Variants in EYS observed in about 807,000 individuals in gnomAD.
EYS encodes the protein protein eyes shut homolog.
A neutral mutation model predicts 282.1 loss-of-function variants in EYS; 250 were observed. The ratio of observed to expected loss-of-function variants is 0.89; its 90% CI spans 0.80 to 0.98. EYS has a LOEUF of 0.98. Ranked by LOEUF, EYS falls within the 50% of genes least tolerant of loss-of-function variation. EYS has a pLI of 0.00. For synonymous variants in EYS, 1,355 were observed against 1,282.9 expected (o/e 1.06, Z -1.20); for missense variants, 4,016 against 3,709.0 (o/e 1.08, Z -2.15).
chr6:65,397,528 C>T (rs538192909), intron 7 of EYS, among the ~76,000 whole-genome samples: 2 of 150,882 alleles, frequency 1.3e-5, no homozygotes, highest in East Asian at 1.9e-4. Flanking sequence ...CAGTTCCATC[C>T]GTGCTACTGC....
chr6:64,981,969 C>T (rs1052190255), intron 14 of EYS, among the ~76,000 whole-genome samples: 14 of 151,374 alleles, frequency 9.2e-5, no homozygotes, highest in African/African-American at 3.4e-4. Context: ...AGGAAGGGTC[C>T]CCTTTTTAAA....
At chr6:64,159,677 C>T (rs919626082) in intron 31 of EYS, among the ~76,000 whole-genome samples, 4 of 151,100 alleles carry the variant, frequency 2.6e-5, no homozygotes, top group Non-Finnish European at 4.4e-5. Flanking sequence ...GATATGGAAG[C>T]TGATTGCATT....
intron 40 of EYS, among the ~76,000 whole-genome samples, chr6:63,771,382 A>G (rs1172039558): frequency 6.6e-6 from 1 of 152,168 alleles, no homozygotes. Context: ...GTTGGAAGTT[A>G]TTTAGGTGGC....
chr6:63,794,005 C>G (rs1169730382), intron 37 of EYS, among the ~76,000 whole-genome samples: 2 of 152,136 alleles, frequency 1.3e-5, no homozygotes, highest in African/African-American at 4.8e-5. Context: ...GGTTCCAGAG[C>G]CTGTGCTCTT....
intron 31 of EYS, among the ~76,000 whole-genome samples, chr6:64,224,638 C>T (rs977583976): frequency 6.6e-6 from 1 of 151,886 alleles, no homozygotes; most frequent in African/African-American, 2.4e-5. Flanking sequence ...ATATTTTTCT[C>T]GATGACCTAA....
chr6:65,164,211 T>C (rs1764915868), intron 12 of EYS, among the ~76,000 whole-genome samples: 1 of 151,342 alleles, frequency 6.6e-6, no homozygotes, highest in Non-Finnish European at 1.5e-5. Context: ...GTTAACTTTG[T>C]TTTATGGCTT....
chr6:64,718,169 C>T (rs10944706), intron 22 of EYS, among the ~76,000 whole-genome samples: 143,465 of 152,212 alleles, frequency 0.94, 68,040 homozygotes, highest in East Asian at 1. Context: ...AATTCATCCC[C>T]GAGGAACACT....
chr6:64,912,793 TA>T, intron 15 of EYS, 50 bp from the exon 16 acceptor site: 1 of 1,199,664 alleles, frequency 8.3e-7, no homozygotes, highest in Non-Finnish European at 1.1e-6. Flanking sequence ...TTTTCAAGTT[TA>T]TTTTTTGTAT....
chr6:64,801,675 GC>G (rs1194885811), intron 22 of EYS, among the ~76,000 whole-genome samples: 1 of 151,832 alleles, frequency 6.6e-6, no homozygotes, highest in Admixed American at 6.6e-5. Flanking sequence ...AAATGAAAAG[GC>G]TAATAGATGT....
chr6:63,914,127 A>T (rs1389122200), intron 35 of EYS, among the ~76,000 whole-genome samples: 1 of 152,020 alleles, frequency 6.6e-6, no homozygotes, highest in Non-Finnish European at 1.5e-5. Context: ...TGCTCCCCAC[A>T]TCTCTCTCTC....
chr6:64,382,302 T>C (rs967137794), intron 29 of EYS, among the ~76,000 whole-genome samples: 1 of 152,164 alleles, frequency 6.6e-6, no homozygotes, highest in Non-Finnish European at 1.5e-5. Context: ...TTAAATACTA[T>C]AGCCTGAGAA....
intron 2 of EYS, among the ~76,000 whole-genome samples, chr6:65,556,103 A>G (rs1044378410): frequency 6.6e-6 from 1 of 151,944 alleles, no homozygotes; most frequent in East Asian, 1.9e-4. Flanking sequence ...TCAATCTTTA[A>G]CTATTTTGTT....
intron 9 of EYS, among the ~76,000 whole-genome samples, chr6:65,345,727 C>T (rs1267205070): frequency 6.6e-6 from 1 of 151,184 alleles, no homozygotes; most frequent in African/African-American, 2.4e-5. Context: ...CTTCCCTCTG[C>T]CTCCCAAGAC....
chr6:65,686,433 G>C (rs1769016861), intron 1 of EYS, among the ~76,000 whole-genome samples: 1 of 152,054 alleles, frequency 6.6e-6, no homozygotes, highest in Non-Finnish European at 1.5e-5. Flanking sequence ...ATGGCTCCTT[G>C]ATCATACAGT....
At chr6:64,091,408 G>A (rs944563832) in intron 31 of EYS, among the ~76,000 whole-genome samples, 22 of 152,164 alleles carry the variant, frequency 1.4e-4, no homozygotes, top group African/African-American at 5.3e-4. Flanking sequence ...GAGAAAGCCA[G>A]CAAGGGTCTG....
intron 11 of EYS, among the ~76,000 whole-genome samples, chr6:65,310,462 G>C (rs901904742): frequency 6.6e-6 from 1 of 151,942 alleles, no homozygotes; most frequent in Non-Finnish European, 1.5e-5. Flanking sequence ...CTCTTGTGAA[G>C]TTCCCTCCCT....
intron 22 of EYS, among the ~76,000 whole-genome samples, chr6:64,797,566 A>G (rs1369864042): frequency 1.3e-5 from 2 of 152,012 alleles, no homozygotes; most frequent in African/African-American, 4.8e-5. Flanking sequence ...ATCTCACCTG[A>G]TTGACCAATT....
chr6:64,244,088 C>T (rs2150344785), intron 30 of EYS, among the ~76,000 whole-genome samples: 1 of 152,200 alleles, frequency 6.6e-6, no homozygotes, highest in East Asian at 1.9e-4. Flanking sequence ...TTTTTGAGTA[C>T]TGATTTCCCC....
intron 12 of EYS, among the ~76,000 whole-genome samples, chr6:65,246,866 C>T (rs1289841158): frequency 6.6e-6 from 1 of 152,014 alleles, no homozygotes; most frequent in Admixed American, 6.6e-5. Context: ...TCACTGTGTC[C>T]TTGTGACAAA....
Sources: gnomAD v4.1 joint callset for allele counts (sites outside exome capture counted in the v4.1 genomes callset) on GRCh38, gnomAD v4.1.1 for gene constraint, MANE v1.5 for transcripts, NCBI Gene and HGNC (gene_info 2026-07-23, HGNC 2026-07-21) for gene names.